DGKB: variants seen among roughly 807,000 people sequenced by gnomAD.
DGKB encodes 90 kDa diacylglycerol kinase.
Under a neutral mutation model 114.3 loss-of-function variants are expected in DGKB, and 67 were observed. That is an observed-to-expected ratio of 0.59 (90% CI 0.48 to 0.72). The LOEUF (loss-of-function observed/expected upper bound fraction) is 0.72, where lower values mean the gene tolerates loss of function less well. DGKB is among the 30% of genes least tolerant of loss of function. The pLI is 0.00. For missense variants in DGKB, 907 were observed against 975.2 expected (o/e 0.93, Z 0.93); for synonymous variants, 398 against 323.1 (o/e 1.23, Z -2.49).
chr7:14,155,752 G>T (rs1466017788), intron 25 of DGKB, among the ~76,000 whole-genome samples: 1 of 152,154 alleles, frequency 6.6e-6, no homozygotes, highest in East Asian at 1.9e-4. Context: ...CCATGCTTGT[G>T]GTCTTCGTAA....
Position 14,574,334 on chromosome 7 carries a change from T to C in DGKB, c.1648A>G (p.Ile550Val), listed in dbSNP as rs772425239. The C allele has an allele frequency of 1.9e-6, 3 of 1,613,232 alleles. No homozygotes were observed. The highest frequency in any genetic ancestry group is 1.1e-5 in the South Asian group (1 of 91,008). The change falls in exon 20 of 26, where the codon ATT becomes GTT. Residue 550 changes from isoleucine to valine, a missense_variant. Physicochemically the swap from Ile to Val is conservative, Grantham distance 29. Transcript: ENST00000402815. ...AACATGATTTCTGTGCTGTTTTCAATGTCTTTTAGAATTTTCATCAGATTC... is the reference window on the plus strand; with the variant it reads ...AACATGATTTCTGTGCTGTTTTCAACGTCTTTTAGAATTTTCATCAGATTC... ...GENLMKILKD[I>V]ENSTEIMLDR...
intron 12 of DGKB, 62 bp downstream of exon 12, chr7:14,682,491 G>C: frequency 9.0e-7 from 1 of 1,116,878 alleles, no homozygotes; most frequent in Non-Finnish European, 1.4e-6. Flanking sequence ...CTTTCAGAGA[G>C]TATGATATAC....
chr7:14,567,749 G>T (rs574080089), intron 20 of DGKB, among the ~76,000 whole-genome samples: 109 of 150,614 alleles, frequency 7.2e-4, no homozygotes, highest in African/African-American at 2.5e-3. Flanking sequence ...TGGGACTACA[G>T]GCATGTGCCT....
chr7:14,314,563 G>A (rs1257788683), intron 23 of DGKB, among the ~76,000 whole-genome samples: 3 of 152,108 alleles, frequency 2.0e-5, no homozygotes, highest in Admixed American at 1.3e-4. Context: ...GAAATGAAGG[G>A]AGAAGGAAAG....
At chr7:14,545,920 C>A (rs1300760108) in intron 20 of DGKB, among the ~76,000 whole-genome samples, 1 of 152,194 alleles carries the variant, frequency 6.6e-6, no homozygotes, top group Non-Finnish European at 1.5e-5. Flanking sequence ...TTTGACCAGT[C>A]TGCACAGAAC....
intron 20 of DGKB, among the ~76,000 whole-genome samples, chr7:14,533,605 A>G (rs1791951791): frequency 6.6e-6 from 1 of 151,906 alleles, no homozygotes. Context: ...TTTTAAACCT[A>G]AAGAAGTCTA....
At chr7:14,394,611 AGTT>A (rs1470276332) in intron 21 of DGKB, among the ~76,000 whole-genome samples, 3 of 152,086 alleles carry the variant, frequency 2.0e-5, no homozygotes, top group Admixed American at 1.3e-4. Context: ...ATGCCATGTA[AGTT>A]GTTGTTATAT....
chr7:14,247,149 G>T (rs1197301933), intron 23 of DGKB, among the ~76,000 whole-genome samples: 1 of 152,074 alleles, frequency 6.6e-6, no homozygotes, highest in Non-Finnish European at 1.5e-5. Context: ...CATGTGTATT[G>T]TCACAAATGA....
At chr7:14,316,718 G>C (rs1214193483) in intron 23 of DGKB, among the ~76,000 whole-genome samples, 2 of 149,790 alleles carry the variant, frequency 1.3e-5, no homozygotes, top group Non-Finnish European at 3.0e-5. Flanking sequence ...AGGAGGAATT[G>C]GTACCATTCC....
intron 23 of DGKB, among the ~76,000 whole-genome samples, chr7:14,202,964 AT>A (rs1786131489): frequency 6.6e-6 from 1 of 151,932 alleles, no homozygotes; most frequent in Non-Finnish European, 1.5e-5. Flanking sequence ...ATTCTGCCCA[AT>A]TTAAACTGTT....
chr7:14,159,380 T>TCAAA (rs1395211092), intron 25 of DGKB, among the ~76,000 whole-genome samples: 1 of 152,128 alleles, frequency 6.6e-6, no homozygotes, highest in East Asian at 1.9e-4. Flanking sequence ...TACAACAAGA[T>TCAAA]CAAACACCTC....
intron 23 of DGKB, among the ~76,000 whole-genome samples, chr7:14,207,316 T>G (rs1257783812): frequency 6.6e-6 from 1 of 152,060 alleles, no homozygotes; most frequent in Non-Finnish European, 1.5e-5. Context: ...GACCTAAGCT[T>G]TGCCAGTCGG....
chr7:14,337,255 G>A lies in DGKB; in HGVS notation c.2122+1260C>T, dbSNP rs115394430. ...TTATTTTCCTCCTCTAATTCATATA[G>A]CACGAACCTCATTTTTTCTATATAT... On this transcript the variant is annotated intron_variant, in intron 23 of 25. Transcript: ENST00000402815. 9.0e-3 allele frequency among the ~76,000 whole-genome samples: 1,362 copies of A among 151,680 alleles called. 16 individuals are homozygous for A. Among genetic ancestry groups the A allele is most frequent in the African/African-American group, 0.031 (1,291 of 41,324 alleles).
At chr7:14,722,711 T>G (rs1308762561) in intron 5 of DGKB, among the ~76,000 whole-genome samples, 1 of 150,182 alleles carries the variant, frequency 6.7e-6, no homozygotes, top group African/African-American at 2.5e-5. Flanking sequence ...ACTTGGGAGG[T>G]TGAGGCAGGA....
intron 21 of DGKB, among the ~76,000 whole-genome samples, chr7:14,353,994 T>A (rs952359115): frequency 3.9e-5 from 6 of 152,346 alleles, no homozygotes; most frequent in Admixed American, 3.3e-4. Flanking sequence ...TTGCATCAGA[T>A]ATTTTATCAC....
chr7:14,738,703 C>T (rs998612471), intron 4 of DGKB, among the ~76,000 whole-genome samples: 1 of 152,324 alleles, frequency 6.6e-6, no homozygotes, highest in African/African-American at 2.4e-5. Flanking sequence ...CACATGTTTT[C>T]ATATGCATTT....
intron 25 of DGKB, among the ~76,000 whole-genome samples, chr7:14,171,845 C>T (rs371631782): frequency 1.3e-5 from 2 of 152,154 alleles, no homozygotes; most frequent in South Asian, 2.1e-4. Flanking sequence ...TATTGGCAAT[C>T]TAATTATGTG....
At chr7:14,794,511 A>G (rs182587354) in intron 2 of DGKB, among the ~76,000 whole-genome samples, 1 of 152,266 alleles carries the variant, frequency 6.6e-6, no homozygotes, top group Non-Finnish European at 1.5e-5. Flanking sequence ...AAGTGGTAAA[A>G]GAAAAACATA....
At chr7:14,287,284 A>G (rs1460260185) in intron 23 of DGKB, among the ~76,000 whole-genome samples, 2 of 152,116 alleles carry the variant, frequency 1.3e-5, no homozygotes, top group East Asian at 1.9e-4. Flanking sequence ...TCCCTCTACC[A>G]TCTGTCCTTT....
Sources: allele counts gnomAD v4.1 joint callset (sites outside exome capture counted in the v4.1 genomes callset), GRCh38; gene constraint gnomAD v4.1.1; transcripts MANE v1.5; gene names NCBI Gene and HGNC (gene_info 2026-07-23, HGNC 2026-07-21).